Variants in NME4 observed in about 807,000 individuals in gnomAD.
NME4 encodes NME/NM23 nucleoside diphosphate kinase 4.
Under a neutral mutation model 16.4 loss-of-function variants are expected in NME4, and 21 were observed. The ratio of observed to expected loss-of-function variants is 1.28; its 90% CI spans 0.91 to 1.84. NME4 has a LOEUF of 1.84. NME4 is among the 40% of genes most tolerant of loss of function. The pLI is 0.00. For missense variants in NME4, 316 were observed against 261.3 expected, an observed-to-expected ratio of 1.21 and a Z score of -1.44; for synonymous variants, 132 against 107.5, an observed-to-expected ratio of 1.23 and a Z score of -1.41.
Position 398,372 on chromosome 16 carries a change from C to T in NME4, c.92-618C>T, listed in dbSNP as rs1307511523. 3 of 1,264,490 alleles carry T rather than the reference C, an allele frequency of 2.4e-6. No individual in the cohort carries two copies. The African/African-American group carries it at 4.6e-5, about 19-fold the overall frequency. 78.3% of individuals were successfully genotyped at this position (1,264,490 alleles called of 1,614,324 possible). On this transcript the variant is annotated intron_variant, in intron 1 of 4. Coordinates refer to ENST00000219479, the MANE Select transcript of NME4 (RefSeq NM_005009.3). ...TTCAGGCCCCTTTTTGTCCGTGTTT[C>T]CAGGGCTCACCTGGTGGGGAAAGTG...
upstream of NME4, chr16:397,176 C>G: frequency 2.3e-6 from 2 of 873,890 alleles, no homozygotes; most frequent in Non-Finnish European, 2.8e-6. Context: ...TGGCACCGCC[C>G]TCCGCGCCCG....
rs1327388985 is a variant in NME4 at position 400,240 on chromosome 16, C to T, written c.462C>T (p.Asp154=). Reference sequence around the variant, plus strand: ...ACAGGAATGTCATCCACGCCAGCGACTCCGTGGAGGGGGCCCAGCGGGAGA... The same window carrying T: ...ACAGGAATGTCATCCACGCCAGCGATTCCGTGGAGGGGGCCCAGCGGGAGA... The part of the protein sequence containing the change: ...HISRNVIHAS[D]SVEGAQREIQ... The change falls in exon 5 of 5, where the codon GAC becomes GAT. Residue 154 remains aspartate (D), a synonymous_variant. Coordinates refer to ENST00000219479, the MANE Select transcript of NME4 (RefSeq NM_005009.3). 2.5e-6 allele frequency: 4 copies of T among 1,604,894 alleles called. No homozygotes were observed. Among genetic ancestry groups the T allele is most frequent in the Non-Finnish European group, 2.6e-6 (3 of 1,173,918 alleles).
chr16:399,816 G>A, intron 4 of NME4, 77 bp downstream of exon 4: 1 of 1,217,300 alleles, frequency 8.2e-7, no homozygotes, highest in Non-Finnish European at 1.2e-6. Flanking sequence ...AGATCCACGA[G>A]ACCTGGCTGT....
chr16:399,417 G>T lies in NME4; in HGVS notation c.264G>T (p.Leu88=). 1 of 1,613,020 alleles carries T rather than the reference G, an allele frequency of 6.2e-7. No homozygotes were observed. Among genetic ancestry groups the T allele is most frequent in the Non-Finnish European group, 8.5e-7 (1 of 1,179,988 alleles). The change falls in exon 3 of 5, where the codon CTG becomes CTT. Residue 88 remains leucine, a synonymous_variant. Coordinates refer to ENST00000219479, the MANE Select transcript of NME4 (RefSeq NM_005009.3). Reference sequence around the variant, plus strand: ...TCCTTGCCGAGCACTACCAGGACCTGCGGAGGAAGCCCTTCTACCCTGCCC... The same window carrying T: ...TCCTTGCCGAGCACTACCAGGACCTTCGGAGGAAGCCCTTCTACCCTGCCC... ...ESVLAEHYQD[L]RRKPFYPALI...
intron 4 of NME4, 92 bp downstream of exon 4, chr16:399,831 C>G: frequency 9.2e-7 from 1 of 1,092,536 alleles, no homozygotes; most frequent in Non-Finnish European, 1.4e-6. Context: ...GGCTGTCTTG[C>G]TGTGCTAGGA....
intron 1 of NME4, 39 bp from the exon 2 acceptor site, chr16:398,951 G>A: frequency 6.2e-7 from 1 of 1,606,410 alleles, no homozygotes; most frequent in Non-Finnish European, 8.5e-7. Context: ...GACGTGAAAG[G>A]GTGAGGTGGC....
chr16:397,881 C>G, intron 1 of NME4: 1 of 1,555,024 alleles, frequency 6.4e-7, no homozygotes, highest in East Asian at 2.4e-5. Flanking sequence ...TGTCCCAGGG[C>G]TCCCTCCATC....
chr16:398,353 C>G, intron 1 of NME4: 1 of 1,284,058 alleles, frequency 7.8e-7, no homozygotes, highest in Non-Finnish European at 1.0e-6. Flanking sequence ...AATCTTCAGG[C>G]CCCTTTTTGT....
At position 399,732 on chromosome 16, in the gene NME4, A is replaced by G; in HGVS notation, c.433A>G (p.Ile145Val). 1 of 1,612,516 alleles carries G rather than the reference A, an allele frequency of 6.2e-7. No homozygotes were observed. The highest frequency in any genetic ancestry group is 8.5e-7 in the Non-Finnish European group (1 of 1,179,620). ...CATAAGGGGTGACTTCAGCGTCCAC[A>G]TCAGCAGGTACGGGGGTCCTGATAC... ...GTIRGDFSVHISRNVIHASDS... is the reference protein window; with the variant it reads ...GTIRGDFSVHVSRNVIHASDS... Residue 145 changes from isoleucine to valine, a missense_variant, in exon 4 of 5, where the codon ATC (isoleucine) becomes GTC (valine). Ile to Val is a conservative substitution (Grantham distance 29, BLOSUM62 3). Transcript: ENST00000219479.
chr16:399,775 G>C, intron 4 of NME4, 36 bp downstream of exon 4: 1 of 1,544,244 alleles, frequency 6.5e-7, no homozygotes, highest in Non-Finnish European at 8.9e-7. Context: ...TGCTGCTGGG[G>C]GCAAGGAGGG....
chr16:400,583 G>A lies in NME4; in HGVS notation c.*241G>A, dbSNP rs1311748153. On this transcript the variant is annotated 3_prime_UTR_variant, in exon 5 of 5. Transcript: ENST00000219479. ...GTGCCGGACAACCTTTGTGGTGGGG[G>A]GGGGTCTTCACATTATCATAACCTC... is the stretch of plus-strand genomic sequence containing the variant. 6.1e-6 allele frequency: 3 copies of A among 487,858 alleles called. No individual in the cohort carries two copies. Among genetic ancestry groups the A allele is most frequent in the East Asian group, 3.2e-5 (1 of 31,054 alleles). 30.2% of individuals were successfully genotyped at this position (487,858 alleles called of 1,614,324 possible). A position where few individuals can be genotyped will look rare whatever the true frequency, so the allele number is the denominator to read the frequency against.
At chr16:398,060 C>A in intron 1 of NME4, 1 of 1,528,198 alleles carries the variant, frequency 6.5e-7, no homozygotes, top group East Asian at 2.5e-5. Flanking sequence ...CCTGGCCTGG[C>A]GGAGCCCCTT....
At position 400,533 on chromosome 16, in the gene NME4, T is replaced by C. The variant is rs1054135921; in HGVS notation, c.*191T>C. 2.0e-5 allele frequency: 12 copies of C among 608,874 alleles called. No individual in the cohort carries two copies. Among genetic ancestry groups the C allele is most frequent in the African/African-American group, 5.6e-5 (3 of 53,152 alleles). The allele number at this position is 608,874 out of a possible 1,614,324, so 37.7% of individuals were successfully genotyped here. On this transcript the variant is annotated 3_prime_UTR_variant, in exon 5 of 5. Coordinates refer to ENST00000219479, the MANE Select transcript of NME4 (RefSeq NM_005009.3). Reference sequence around the variant, plus strand: ...TTCTGTACCCCAAGCCAGCACAAGATTGGACCAATCCTTTTTGCACCAAAG... The same window carrying C: ...TTCTGTACCCCAAGCCAGCACAAGACTGGACCAATCCTTTTTGCACCAAAG...
In NME4 at chr16:397,326, G is replaced by C. The variant is rs2054562712; in HGVS notation, c.91+13G>C. 1 of 1,010,748 alleles carries C rather than the reference G, an allele frequency of 9.9e-7. No individual in the cohort carries two copies. Among genetic ancestry groups the C allele is most frequent in the Non-Finnish European group, 1.2e-6 (1 of 836,724 alleles). 62.6% of individuals were successfully genotyped at this position (1,010,748 alleles called of 1,614,324 possible). On this transcript the variant is annotated intron_variant, in intron 1 of 4. Coordinates refer to ENST00000219479, the MANE Select transcript of NME4 (RefSeq NM_005009.3). Reference sequence around the variant, plus strand: ...CGCCACGGCTCGGGTGAGTGGGGCCGCGCGCCCCGGCGGGGACGCGGAGGG... The same window carrying C: ...CGCCACGGCTCGGGTGAGTGGGGCCCCGCGCCCCGGCGGGGACGCGGAGGG...
chr16:398,664 A>G (rs1035203537), intron 1 of NME4: 5 of 435,578 alleles, frequency 1.1e-5, no homozygotes, highest in East Asian at 9.6e-5. Context: ...CTCTGCCTCT[A>G]TGGACCTTGC....
chr16:397,903 G>A (rs1277405436), intron 1 of NME4: 1 of 1,552,884 alleles, frequency 6.4e-7, no homozygotes, highest in Non-Finnish European at 8.7e-7. Context: ...GCTCTGAAAA[G>A]TGAGCCGCCG....
chr16:400,366 C>T lies in NME4; in HGVS notation c.*24C>T, dbSNP rs746196770. The T allele has an allele frequency of 4.4e-6, 7 of 1,592,108 alleles. No homozygotes were observed. The highest frequency in any genetic ancestry group is 1.7e-6 in the Non-Finnish European group (2 of 1,176,716). ...GAGGCTCAAGCTGCCCTTACCACCC[C>T]ATCCCCCACGCAGGACCAACTACCT... On this transcript the variant is annotated 3_prime_UTR_variant, in exon 5 of 5. Transcript: ENST00000219479.
At position 399,000 on chromosome 16, in the gene NME4, C is replaced by G; in HGVS notation, c.102C>G (p.Ser34=). Residue 34 remains serine, a synonymous_variant, in exon 2 of 5, where the codon TCC becomes TCG. Transcript: ENST00000219479. ...TCTTGCCTTTTGAAGGAGGGCCCTC[C>G]TGGACCCGGGAGCGGACCCTGGTGG... ...LLVRHGSGGP[S]WTRERTLVAV... 1 of 1,610,268 alleles carries G rather than the reference C, an allele frequency of 6.2e-7. No individual in the cohort carries two copies. The highest frequency in any genetic ancestry group is 1.1e-5 in the South Asian group (1 of 91,082).
At chr16:399,776 G>C (rs772035283) in intron 4 of NME4, 37 bp downstream of exon 4, 1 of 1,542,602 alleles carries the variant, frequency 6.5e-7, no homozygotes, top group Non-Finnish European at 9.0e-7. Context: ...GCTGCTGGGG[G>C]CAAGGAGGGC....
Sources: gnomAD v4.1 joint callset for allele counts on GRCh38, gnomAD v4.1.1 for gene constraint, MANE v1.5 for transcripts, NCBI Gene and HGNC (gene_info 2026-07-23, HGNC 2026-07-21) for gene names.